The following RLN2 variants were observed in gnomAD, a reference collection of about 807,000 sequenced individuals.
The protein encoded by RLN2 is relaxin 2.
Under a neutral mutation model 7.3 loss-of-function variants are expected in RLN2, and 10 were observed. That is an observed-to-expected ratio of 1.36 (90% confidence interval 0.84 to 2.31). RLN2 has a LOEUF of 2.31. Ranked by LOEUF, RLN2 falls within the 30% of genes most tolerant of loss-of-function variation. RLN2 has a pLI of 0.00. For synonymous variants in RLN2, 103 were observed against 82.3 expected, an observed-to-expected ratio of 1.25 and a Z score of -1.36; for missense variants, 298 against 217.6, an observed-to-expected ratio of 1.37 and a Z score of -2.32.
chr9:5,306,116 T>C (rs3758238), upstream of RLN2, among the ~76,000 whole-genome samples: 8 of 149,940 alleles, frequency 5.3e-5, no homozygotes, highest in Non-Finnish European at 1.2e-4. Context: ...TTTGTTTTTT[T>C]TTTTTTTTTT....
chr9:5,304,597 C>T lies in RLN2; in HGVS notation c.-17G>A. The T allele has an allele frequency of 6.2e-7, 1 of 1,612,584 alleles. No individual in the cohort carries two copies. Among genetic ancestry groups the T allele is most frequent in the East Asian group, 2.2e-5 (1 of 44,852 alleles). ...GCGAGGCATCCTGGGCCTGGTCTCT[C>T]CTGGAGGTCGGGACGTTGCAGCCTT... On this transcript the variant is annotated 5_prime_UTR_variant, in exon 1 of 2. Coordinates refer to ENST00000381627, the MANE Select transcript of RLN2 (RefSeq NM_134441.3).
chr9:5,322,650 T>G, the RLN2 span, among the ~76,000 whole-genome samples: 1 of 151,962 alleles, frequency 6.6e-6, no homozygotes, highest in Non-Finnish European at 1.5e-5. Flanking sequence ...ACAAACATCC[T>G]GGCATTTCTT....
At chr9:5,335,264 G>A in the RLN2 span, 1 of 1,588,052 alleles carries the variant, frequency 6.3e-7, no homozygotes, top group South Asian at 1.2e-5. Flanking sequence ...GCAATATTTA[G>A]CAAGAGACCT....
At chr9:5,310,376 T>C in the RLN2 span, among the ~76,000 whole-genome samples, 77 of 152,084 alleles carry the variant, frequency 5.1e-4, 1 homozygote, top group Non-Finnish European at 9.3e-4. Flanking sequence ...CCTTCCTCCC[T>C]GTACCTCTCC....
chr9:5,306,962 T>C (rs1158009752), upstream of RLN2, among the ~76,000 whole-genome samples: 1 of 152,090 alleles, frequency 6.6e-6, no homozygotes, highest in Admixed American at 6.5e-5. Flanking sequence ...AAGCCTTTAT[T>C]TCCTGATTCT....
At chr9:5,324,616 C>A in the RLN2 span, among the ~76,000 whole-genome samples, 1 of 151,932 alleles carries the variant, frequency 6.6e-6, no homozygotes, top group Non-Finnish European at 1.5e-5. Flanking sequence ...AAAGATAACA[C>A]AAAATTTGTG....
At chr9:5,311,435 C>CA in the RLN2 span, 1 of 576,086 alleles carries the variant, frequency 1.7e-6, no homozygotes, top group East Asian at 3.0e-5. Flanking sequence ...AGTACATCAC[C>CA]ACTGCCAGCA....
At chr9:5,310,574 C>T in the RLN2 span, among the ~76,000 whole-genome samples, 20 of 151,960 alleles carry the variant, frequency 1.3e-4, 1 homozygote, top group Admixed American at 3.9e-4. Flanking sequence ...TAGCTTCAAT[C>T]GAACCTTTAA....
At chr9:5,311,261 T>C in the RLN2 span, among the ~76,000 whole-genome samples, 3 of 151,572 alleles carry the variant, frequency 2.0e-5, no homozygotes, top group East Asian at 5.8e-4. Context: ...ATGTACAAGA[T>C]GAGAGTGGGG....
At chr9:5,337,384 C>T in the RLN2 span, among the ~76,000 whole-genome samples, 2 of 151,862 alleles carry the variant, frequency 1.3e-5, no homozygotes, top group African/African-American at 4.8e-5. Context: ...TTTCATAATC[C>T]ATAACACTTT....
chr9:5,335,622 A>G, the RLN2 span: 2 of 1,487,466 alleles, frequency 1.3e-6, no homozygotes, highest in South Asian at 1.2e-5. Context: ...AAAAAAGTGT[A>G]TGTGAAGGCG....
chr9:5,330,687 G>GAGC, the RLN2 span, among the ~76,000 whole-genome samples: 1 of 130,606 alleles, frequency 7.7e-6, no homozygotes, highest in Admixed American at 7.9e-5. Context: ...AGAGAGGCAA[G>GAGC]AGCAAACAAA....
chr9:5,331,023 G>T, the RLN2 span, among the ~76,000 whole-genome samples: 2 of 151,916 alleles, frequency 1.3e-5, no homozygotes, highest in Non-Finnish European at 2.9e-5. Flanking sequence ...TCCTGGACAT[G>T]TATACCCTCC....
upstream of RLN2, among the ~76,000 whole-genome samples, chr9:5,305,414 GA>G (rs1393225339): frequency 3.2e-4 from 49 of 150,968 alleles, 1 homozygote; most frequent in South Asian, 2.1e-4. Flanking sequence ...GAGAGAGAGA[GA>G]GAGAGAGAGA....
the RLN2 span, among the ~76,000 whole-genome samples, chr9:5,324,772 GTAT>G: frequency 2.6e-5 from 4 of 151,924 alleles, no homozygotes; most frequent in Non-Finnish European, 5.9e-5. Flanking sequence ...AGAGGCTGGC[GTAT>G]TATTATTGTG....
chr9:5,325,766 T>G, the RLN2 span, among the ~76,000 whole-genome samples: 1 of 152,098 alleles, frequency 6.6e-6, no homozygotes. Flanking sequence ...TCATCTTAAT[T>G]TATGTTCTAG....
chr9:5,317,994 A>ATGTGTG, the RLN2 span, among the ~76,000 whole-genome samples: 34 of 64,744 alleles, frequency 5.3e-4, 1 homozygote, highest in Admixed American at 4.2e-3. Context: ...TAACAAAACT[A>ATGTGTG]TGTGTGTGTG....
the RLN2 span, among the ~76,000 whole-genome samples, chr9:5,316,266 C>T: frequency 6.6e-6 from 1 of 151,714 alleles, no homozygotes; most frequent in African/African-American, 2.4e-5. Context: ...CTTTCTTCTG[C>T]TTTTTTGTTA....
upstream of RLN2, among the ~76,000 whole-genome samples, chr9:5,308,501 T>C (rs1048098063): frequency 5.9e-5 from 9 of 152,148 alleles, no homozygotes; most frequent in South Asian, 1.5e-3. Flanking sequence ...ACTGTTATGC[T>C]GGGCATTGGC....
Sources: gnomAD v4.1 joint callset for allele counts (sites outside exome capture counted in the v4.1 genomes callset) on GRCh38, gnomAD v4.1.1 for gene constraint, MANE v1.5 for transcripts, NCBI Gene and HGNC (gene_info 2026-07-23, HGNC 2026-07-21) for gene names.